Variants in FBXL17 observed in about 807,000 individuals in gnomAD.
The protein encoded by FBXL17 is F-box and leucine rich repeat protein 17, also known as F-box/LRR-repeat protein 17.
In FBXL17, 22 loss-of-function variants were observed where a neutral mutation model predicts 66.2. The observed-to-expected ratio is 0.33, with a 90% CI of 0.24 to 0.47. FBXL17 has a LOEUF of 0.47. Among genes scored for constraint, FBXL17 ranks in the 20% least tolerant of loss-of-function variants. The pLI, the probability that FBXL17 is intolerant of heterozygous loss-of-function variation, is 1.00. For synonymous variants in FBXL17, 474 were observed against 400.5 expected, an observed-to-expected ratio of 1.18 and a Z score of -2.19; for missense variants, 878 against 948.2, an observed-to-expected ratio of 0.93 and a Z score of 0.97.
chr5:108,107,895 T>C (rs1356447944), intron 6 of FBXL17, among the ~76,000 whole-genome samples: 4 of 152,114 alleles, frequency 2.6e-5, no homozygotes, highest in Admixed American at 2.0e-4. Context: ...GGCTTTCCAT[T>C]GCACCTAGAA....
At chr5:108,110,468 T>C (rs1368582230) in intron 6 of FBXL17, among the ~76,000 whole-genome samples, 2 of 152,028 alleles carry the variant, frequency 1.3e-5, no homozygotes, top group East Asian at 1.9e-4. Context: ...ATAAAGAAAA[T>C]TGTCACTTGA....
intron 4 of FBXL17, among the ~76,000 whole-genome samples, chr5:108,305,666 A>C (rs1457052154): frequency 6.6e-6 from 1 of 152,096 alleles, no homozygotes; most frequent in Non-Finnish European, 1.5e-5. Flanking sequence ...TAAGACTACA[A>C]GTTCAGTCCA....
intron 7 of FBXL17, among the ~76,000 whole-genome samples, chr5:107,882,056 G>A (rs560268464): frequency 8.5e-5 from 13 of 152,208 alleles, no homozygotes; most frequent in African/African-American, 2.6e-4. Context: ...TATATTTAAG[G>A]AGCCCAGAAA....
At chr5:108,303,323 C>G (rs1758677031) in intron 4 of FBXL17, among the ~76,000 whole-genome samples, 1 of 150,708 alleles carries the variant, frequency 6.6e-6, no homozygotes, top group African/African-American at 2.4e-5. Context: ...GTTCAATTCC[C>G]CTTGACCAGA....
chr5:108,176,984 A>G lies in FBXL17; in HGVS notation c.1745+9133T>C, dbSNP rs551513650. 1.9e-4 allele frequency among the ~76,000 whole-genome samples: 29 copies of G among 152,314 alleles called. No individual in the cohort carries two copies. In the South Asian group the frequency reaches 6.0e-3, roughly 32 times the overall value. On this transcript the variant is annotated intron_variant, in intron 6 of 8. Coordinates refer to ENST00000542267, the MANE Select transcript of FBXL17 (RefSeq NM_001163315.3). ...TTGCCAATTATTTCTTGCCAAAGGT[A>G]CTGAACCATTTGATGAAGATAACTT... is the stretch of plus-strand genomic sequence containing the variant.
intron 4 of FBXL17, among the ~76,000 whole-genome samples, chr5:108,267,461 T>C (rs1444774356): frequency 6.6e-6 from 1 of 152,094 alleles, no homozygotes; most frequent in Non-Finnish European, 1.5e-5. Context: ...AAATATTCAG[T>C]ATAAGATGCA....
chr5:107,987,352 T>C (rs1158756997), intron 7 of FBXL17, among the ~76,000 whole-genome samples: 1 of 151,812 alleles, frequency 6.6e-6, no homozygotes, highest in African/African-American at 2.4e-5. Flanking sequence ...AAATTCATAA[T>C]GGTCAGGAAG....
chr5:108,356,763 T>C (rs1193275126), intron 3 of FBXL17, among the ~76,000 whole-genome samples: 2 of 152,054 alleles, frequency 1.3e-5, no homozygotes, highest in African/African-American at 4.8e-5. Flanking sequence ...TCATTATATA[T>C]TTGTCTAAAC....
chr5:108,234,983 T>C (rs1053508246), intron 4 of FBXL17, among the ~76,000 whole-genome samples: 5 of 152,318 alleles, frequency 3.3e-5, no homozygotes, highest in South Asian at 2.1e-4. Flanking sequence ...TCTTGGACTA[T>C]AGGAAGACAG....
intron 5 of FBXL17, among the ~76,000 whole-genome samples, chr5:108,195,798 G>T (rs1454855240): frequency 6.6e-6 from 1 of 152,082 alleles, no homozygotes; most frequent in Admixed American, 6.6e-5. Flanking sequence ...AGAATCAACA[G>T]AATTTTTTGA....
At chr5:108,224,301 C>A in intron 4 of FBXL17, 73 bp from the exon 5 acceptor site, 1 of 710,812 alleles carries the variant, frequency 1.4e-6, no homozygotes, top group Non-Finnish European at 2.4e-6. Context: ...TCCTGAAAAT[C>A]CTCTCAGCCC....
At chr5:108,373,555 T>C (rs941252231) in intron 1 of FBXL17, among the ~76,000 whole-genome samples, 1 of 151,742 alleles carries the variant, frequency 6.6e-6, no homozygotes, top group Non-Finnish European at 1.5e-5. Flanking sequence ...AATAATAAAA[T>C]AGTAAATGTA....
At chr5:108,285,036 T>C (rs758620206) in intron 4 of FBXL17, among the ~76,000 whole-genome samples, 1 of 151,948 alleles carries the variant, frequency 6.6e-6, no homozygotes, top group Non-Finnish European at 1.5e-5. Flanking sequence ...CATAATATTC[T>C]AAATCCTTTG....
chr5:108,188,802 A>C (rs1160855315), intron 5 of FBXL17, among the ~76,000 whole-genome samples: 1 of 152,200 alleles, frequency 6.6e-6, no homozygotes, highest in African/African-American at 2.4e-5. Context: ...TGCTGCAAAC[A>C]TAGCGCCTGT....
At chr5:108,263,817 A>G (rs1183557844) in intron 4 of FBXL17, among the ~76,000 whole-genome samples, 1 of 152,188 alleles carries the variant, frequency 6.6e-6, no homozygotes, top group Admixed American at 6.5e-5. Flanking sequence ...TCACTCCAAA[A>G]ACCCATGATA....
chr5:108,126,994 G>T (rs546081558), intron 6 of FBXL17, among the ~76,000 whole-genome samples: 3 of 151,848 alleles, frequency 2.0e-5, no homozygotes, highest in African/African-American at 7.2e-5. Context: ...AAACCCTTGG[G>T]TTCCTAATAC....
chr5:108,154,695 G>GTATATATATATGTGTACACATA (rs1440619741), intron 6 of FBXL17, among the ~76,000 whole-genome samples: 1 of 130,646 alleles, frequency 7.7e-6, no homozygotes, highest in African/African-American at 2.9e-5. Flanking sequence ...ACATATATAT[G>GTATATATATATGTGTACACATA]TATATACATA....
intron 6 of FBXL17, among the ~76,000 whole-genome samples, chr5:108,074,586 C>G (rs899680203): frequency 2.6e-5 from 4 of 152,102 alleles, no homozygotes; most frequent in Non-Finnish European, 5.9e-5. Flanking sequence ...ATGAAAGGAT[C>G]TACAGAGGAC....
intron 6 of FBXL17, among the ~76,000 whole-genome samples, chr5:108,080,452 A>G (rs569555282): frequency 7.9e-4 from 120 of 152,358 alleles, no homozygotes; most frequent in Middle Eastern, 3.4e-3. Flanking sequence ...CAGTAGAGTC[A>G]TATACCAAAA....
Sources: allele counts gnomAD v4.1 joint callset (sites outside exome capture counted in the v4.1 genomes callset), GRCh38; gene constraint gnomAD v4.1.1; transcripts MANE v1.5; gene names NCBI Gene and HGNC (gene_info 2026-07-23, HGNC 2026-07-21).